The following ATP1A2 variants were observed in gnomAD, a reference collection of about 807,000 sequenced individuals.
The protein encoded by ATP1A2 is sodium/potassium-transporting ATPase subunit alpha-2.
ATP1A2 carries 56 observed loss-of-function variants against 113.1 expected under a neutral mutation model. That is an observed-to-expected ratio of 0.49 (90% confidence interval 0.40 to 0.62). ATP1A2 has a LOEUF of 0.62. Among genes scored for constraint, ATP1A2 ranks in the 20% least tolerant of loss-of-function variants. ATP1A2 has a pLI of 0.00. For missense variants in ATP1A2, 712 were observed against 1,357.8 expected, an observed-to-expected ratio of 0.52 and a Z score of 7.47; for synonymous variants, 490 against 526.8, an observed-to-expected ratio of 0.93 and a Z score of 0.96.
intron 18 of ATP1A2, 60 bp from the exon 19 acceptor site, chr1:160,136,510 G>T (rs535984493): frequency 2.5e-6 from 4 of 1,613,746 alleles, no homozygotes; most frequent in Middle Eastern, 1.7e-4. Flanking sequence ...GCCCTGAGGG[G>T]CTGTGCCCCT....
chr1:160,123,504 G>A (rs1372883106), intron 4 of ATP1A2, 88 bp downstream of exon 4: 12 of 1,534,504 alleles, frequency 7.8e-6, no homozygotes, highest in Admixed American at 6.7e-5. Context: ...CAGGGAACAA[G>A]GCCCTCACAT....
chr1:160,127,998 G>C (rs1161832660), intron 8 of ATP1A2, among the ~76,000 whole-genome samples, 178 bp downstream of exon 8: 2 of 152,184 alleles, frequency 1.3e-5, no homozygotes, highest in Admixed American at 1.3e-4. Flanking sequence ...GAAATCTCAG[G>C]TGGGGCTATT....
chr1:160,115,785 C>T lies in ATP1A2; in HGVS notation c.-77C>T. The stretch of plus-strand genomic sequence containing the variant: ...TCTGTCTGCCAGGGTCTCCGACTGT[C>T]CCAGACGGGCTGGTGTGGGCTTGGG... On this transcript the variant is annotated 5_prime_UTR_variant, in exon 1 of 23. Coordinates refer to ENST00000361216, the MANE Select transcript of ATP1A2 (RefSeq NM_000702.4). 6.5e-7 allele frequency: 1 copy of T among 1,548,212 alleles called. No homozygotes were observed.
intron 13 of ATP1A2, among the ~76,000 whole-genome samples, chr1:160,132,615 CA>C (rs1222931637): frequency 6.6e-6 from 1 of 152,050 alleles, no homozygotes; most frequent in Non-Finnish European, 1.5e-5. Flanking sequence ...GAGAGGACAA[CA>C]TCTAAGGTAG....
At chr1:160,129,445 T>G in intron 11 of ATP1A2, 45 bp downstream of exon 11, 1 of 1,603,292 alleles carries the variant, frequency 6.2e-7, no homozygotes. Context: ...GGGATATAAA[T>G]GGGTGAGGGT....
Position 160,135,057 on chromosome 1 carries a change from A to G in ATP1A2, c.1965-88A>G. On this transcript the variant is annotated intron_variant, in intron 14 of 22. Coordinates refer to ENST00000361216, the MANE Select transcript of ATP1A2 (RefSeq NM_000702.4). The surrounding 1 kb of genome is among the most constrained non-coding windows in gnomAD (Gnocchi z 6.3). Reference sequence around the variant, plus strand: ...GAAGCAGGCTCAGCAGGGAGCCTGCAGGCTGCGGTGGTGAAGAGAGGCAGG... The same window carrying G: ...GAAGCAGGCTCAGCAGGGAGCCTGCGGGCTGCGGTGGTGAAGAGAGGCAGG... The G allele has an allele frequency of 6.4e-7, 1 of 1,565,100 alleles. No homozygotes were observed. Among genetic ancestry groups the G allele is most frequent in the Non-Finnish European group, 8.8e-7 (1 of 1,141,994 alleles).
chr1:160,128,921 G>C (rs1214485349), intron 9 of ATP1A2, 59 bp from the exon 10 acceptor site: 19 of 1,602,384 alleles, frequency 1.2e-5, no homozygotes, highest in Non-Finnish European at 1.5e-5. Flanking sequence ...TGGGGTGAGT[G>C]GTTGAGATAA....
Position 160,130,309 on chromosome 1 carries a change from G to T in ATP1A2, c.1651+18G>T, listed in dbSNP as rs368117263. 58 of 1,614,012 alleles carry T rather than the reference G, an allele frequency of 3.6e-5. No individual in the cohort carries two copies. Among genetic ancestry groups the T allele is most frequent in the Middle Eastern group, 1.6e-4 (1 of 6,084 alleles). On this transcript the variant is annotated intron_variant, in intron 12 of 22. Transcript: ENST00000361216. ...TGTGCTGGGTGAGAGGCCAGAAACAGGAGGCTCAGAAGGGGATTCCCAAGC... is the reference window on the plus strand; with the variant it reads ...TGTGCTGGGTGAGAGGCCAGAAACATGAGGCTCAGAAGGGGATTCCCAAGC...
At chr1:160,127,949 T>C (rs954802949) in intron 8 of ATP1A2, 129 bp downstream of exon 8, 44 of 1,295,624 alleles carry the variant, frequency 3.4e-5, no homozygotes, top group Non-Finnish European at 3.8e-5. Context: ...GATGCGATAC[T>C]CAGAGATCAC....
At chr1:160,136,103 C>T in intron 17 of ATP1A2, 110 bp downstream of exon 17, 4 of 1,600,922 alleles carry the variant, frequency 2.5e-6, no homozygotes, top group Non-Finnish European at 3.4e-6. Flanking sequence ...TTACAGGAGA[C>T]AGGCACAGGC....
intron 7 of ATP1A2, among the ~76,000 whole-genome samples, chr1:160,126,409 T>G (rs926645515): frequency 3.9e-5 from 6 of 152,200 alleles, no homozygotes; most frequent in Admixed American, 3.9e-4. Context: ...ACATGGAATC[T>G]GTGAATATGG....
intron 1 of ATP1A2, among the ~76,000 whole-genome samples, chr1:160,118,619 T>C (rs1359505069): frequency 6.6e-6 from 1 of 152,172 alleles, no homozygotes; most frequent in Admixed American, 6.5e-5. Context: ...ACCAGATTCA[T>C]AGATGCTTCA....
intron 7 of ATP1A2, chr1:160,125,544 C>T (rs889997719): frequency 4.1e-5 from 18 of 435,130 alleles, no homozygotes; most frequent in African/African-American, 2.8e-4. Flanking sequence ...GAACCCCTTA[C>T]GCATGCGCAC....
chr1:160,131,839 A>C (rs953545237), intron 13 of ATP1A2, among the ~76,000 whole-genome samples: 1 of 152,082 alleles, frequency 6.6e-6, no homozygotes, highest in Non-Finnish European at 1.5e-5. Flanking sequence ...CTCAAAAAAA[A>C]AAAAAAAGTA....
intron 6 of ATP1A2, 89 bp downstream of exon 6, chr1:160,124,519 A>T: frequency 6.5e-7 from 1 of 1,543,176 alleles, no homozygotes; most frequent in South Asian, 1.2e-5. Context: ...TTAAAGGTGG[A>T]GAGACCCAGG....
Position 160,120,188 on chromosome 1 carries a change from C to G in ATP1A2, c.13-718C>G, listed in dbSNP as rs540380394. On this transcript the variant is annotated intron_variant, in intron 1 of 22. Coordinates refer to ENST00000361216, the MANE Select transcript of ATP1A2 (RefSeq NM_000702.4). ...CCAATTGTGCTTTGGGGGTCCAGTC[C>G]TGTGAGTTGCCTCCCGTCTAGTAAC... 4.7e-4 allele frequency among the ~76,000 whole-genome samples: 71 copies of G among 152,308 alleles called. 2 individuals are homozygous for G. The South Asian group carries it at 0.014, about 31-fold the overall frequency.
Position 160,129,234 on chromosome 1 carries a change from T to C in ATP1A2, c.1327-32T>C, listed in dbSNP as rs776084261. ...TGATCCTCCACTCCCTTCCCTCCCA[T>C]GCTGACACTGAATTCTTGTCTCTTC... On this transcript the variant is annotated intron_variant, in intron 10 of 22. Coordinates refer to ENST00000361216, the MANE Select transcript of ATP1A2 (RefSeq NM_000702.4). The C allele has an allele frequency of 5.6e-6, 9 of 1,614,116 alleles. No individual in the cohort carries two copies. In the East Asian group the frequency reaches 1.3e-4, roughly 24 times the overall value.
intron 4 of ATP1A2, 40 bp from the exon 5 acceptor site, chr1:160,123,903 G>C: frequency 1.9e-6 from 3 of 1,593,450 alleles, no homozygotes; most frequent in South Asian, 1.1e-5. Flanking sequence ...TTTAGGGTTG[G>C]GGGGAAGGTC....
intron 3 of ATP1A2, 83 bp from the exon 4 acceptor site, chr1:160,123,129 TG>T (rs1343855308): frequency 2.7e-6 from 4 of 1,507,650 alleles, no homozygotes; most frequent in Non-Finnish European, 3.7e-6. Context: ...ATTCTTCCCA[TG>T]CCCGGGAGCT....
Sources: allele counts gnomAD v4.1 joint callset (sites outside exome capture counted in the v4.1 genomes callset), GRCh38; gene constraint gnomAD v4.1.1; non-coding constraint Gnocchi (gnomAD v3.1); transcripts MANE v1.5; gene names NCBI Gene and HGNC (gene_info 2026-07-23, HGNC 2026-07-21).